SYT17: variants seen among roughly 807,000 people sequenced by gnomAD.
SYT17 encodes the protein synaptotagmin 17, also known as synaptotagmin-17.
SYT17 carries 22 observed loss-of-function variants against 46.7 expected under a neutral mutation model. The observed-to-expected ratio is 0.47, with a 90% CI of 0.34 to 0.67. The LOEUF (loss-of-function observed/expected upper bound fraction) is 0.67, where lower values mean the gene tolerates loss of function less well. SYT17 is among the 30% of genes least tolerant of loss of function. SYT17 has a pLI of 0.01. For synonymous variants in SYT17, 251 were observed against 248.4 expected, an observed-to-expected ratio of 1.01 and a Z score of -0.10; for missense variants, 519 against 612.8, an observed-to-expected ratio of 0.85 and a Z score of 1.62.
At chr16:19,217,840 G>C (rs1388646825) in intron 5 of SYT17, among the ~76,000 whole-genome samples, 2 of 152,182 alleles carry the variant, frequency 1.3e-5, no homozygotes, top group African/African-American at 4.8e-5. Context: ...GATTTTGTGT[G>C]TGTGTGTTTA....
At chr16:19,202,814 C>G (rs1965517914) in intron 5 of SYT17, among the ~76,000 whole-genome samples, 1 of 152,110 alleles carries the variant, frequency 6.6e-6, no homozygotes, top group Admixed American at 6.5e-5. Context: ...GCAGCCTTGA[C>G]CTCCAGGTTC....
intron 3 of SYT17, among the ~76,000 whole-genome samples, chr16:19,177,269 A>T (rs1206455750): frequency 2.0e-5 from 3 of 152,116 alleles, no homozygotes; most frequent in Non-Finnish European, 4.4e-5. Context: ...CGCCATTCAC[A>T]TGGTGGCCAT....
At chr16:19,193,714 C>T (rs1377269302) in intron 5 of SYT17, among the ~76,000 whole-genome samples, 1 of 152,210 alleles carries the variant, frequency 6.6e-6, no homozygotes, top group Non-Finnish European at 1.5e-5. Context: ...AATAAAGTGT[C>T]TCACCACTGT....
chr16:19,194,990 C>T (rs772901764), intron 5 of SYT17, among the ~76,000 whole-genome samples: 27 of 152,152 alleles, frequency 1.8e-4, no homozygotes, highest in Non-Finnish European at 7.3e-5. Flanking sequence ...AAAGAGCATG[C>T]GCTTTTGAGT....
Position 19,223,073 on chromosome 16 carries a change from T to C in SYT17, c.980T>C (p.Leu327Pro). The C allele has an allele frequency of 6.2e-7, 1 of 1,614,082 alleles. No homozygotes were observed. The highest frequency in any genetic ancestry group is 8.5e-7 in the Non-Finnish European group (1 of 1,179,974). Residue 327 changes from leucine (L) to proline (P), a missense_variant, in exon 6 of 8, where the codon CTG becomes CCG. Coordinates refer to ENST00000355377, the MANE Select transcript of SYT17 (RefSeq NM_016524.4). The part of the protein sequence containing the change: ...QNEVELGELL[L>P]SLNYLPSAGR... ...GAAGTGGAGCTGGGGGAGCTGCTTCTGTCACTGAATTATCTCCCAAGTGCT... is the reference window on the plus strand; with the variant it reads ...GAAGTGGAGCTGGGGGAGCTGCTTCCGTCACTGAATTATCTCCCAAGTGCT...
chr16:19,231,991 T>TG (rs1966711288), intron 7 of SYT17, among the ~76,000 whole-genome samples: 1 of 152,116 alleles, frequency 6.6e-6, no homozygotes, highest in African/African-American at 2.4e-5. Flanking sequence ...ACACGTGAGC[T>TG]GGGAGCTGAA....
intron 5 of SYT17, among the ~76,000 whole-genome samples, chr16:19,211,745 C>T (rs1965911334): frequency 1.3e-5 from 2 of 152,074 alleles, no homozygotes; most frequent in African/African-American, 4.8e-5. Flanking sequence ...CCTGCCTCAG[C>T]CTCCCAAGTA....
chr16:19,194,999 G>A (rs185323708), intron 5 of SYT17, among the ~76,000 whole-genome samples: 4 of 152,306 alleles, frequency 2.6e-5, no homozygotes, highest in Non-Finnish European at 4.4e-5. Context: ...GCGCTTTTGA[G>A]TTAGACTGAT....
intron 3 of SYT17, among the ~76,000 whole-genome samples, chr16:19,179,645 T>C (rs1964466231): frequency 6.6e-6 from 1 of 152,204 alleles, no homozygotes; most frequent in South Asian, 2.1e-4. Context: ...ATTTCCACTT[T>C]ACAGATGGGG....
intron 7 of SYT17, among the ~76,000 whole-genome samples, chr16:19,236,931 A>G (rs1966856623): frequency 6.6e-6 from 1 of 152,170 alleles, no homozygotes; most frequent in Non-Finnish European, 1.5e-5. Flanking sequence ...GTCTGAATTG[A>G]TACTATGTGA....
At chr16:19,194,138 G>T (rs569015078) in intron 5 of SYT17, among the ~76,000 whole-genome samples, 39 of 152,266 alleles carry the variant, frequency 2.6e-4, no homozygotes, top group Non-Finnish European at 5.3e-4. Flanking sequence ...AAGAACATTG[G>T]CTAAGCGGAA....
intron 5 of SYT17, among the ~76,000 whole-genome samples, chr16:19,220,916 G>A (rs1415383131): frequency 6.6e-6 from 1 of 152,196 alleles, no homozygotes; most frequent in East Asian, 1.9e-4. Context: ...ACCTGTCTGG[G>A]CATGATGGCT....
At chr16:19,229,996 A>G (rs1966623185) in intron 7 of SYT17, among the ~76,000 whole-genome samples, 1 of 152,364 alleles carries the variant, frequency 6.6e-6, no homozygotes, top group Admixed American at 6.5e-5. Context: ...TATGTGAAAT[A>G]CCTAGAGTAG....
intron 7 of SYT17, among the ~76,000 whole-genome samples, chr16:19,235,939 A>T (rs1182329750): frequency 6.6e-6 from 1 of 152,160 alleles, no homozygotes; most frequent in Non-Finnish European, 1.5e-5. Context: ...ACCTATGGAG[A>T]AATATCAAAA....
rs150136978 is a variant in SYT17 at position 19,257,094 on chromosome 16, G to A, written c.1229-9786G>A. 1.7e-3 allele frequency among the ~76,000 whole-genome samples: 258 copies of A among 152,180 alleles called. 1 individual carries two copies. Among genetic ancestry groups the A allele is most frequent in the African/African-American group, 5.7e-3 (235 of 41,528 alleles). Reference sequence around the variant, plus strand: ...ATATATAAAGTGCTTTTCTCAGTTCGTAGTACACAGACCTCAAGATTTGCT... The same window carrying A: ...ATATATAAAGTGCTTTTCTCAGTTCATAGTACACAGACCTCAAGATTTGCT... On this transcript the variant is annotated intron_variant, in intron 7 of 7. Coordinates refer to ENST00000355377, the MANE Select transcript of SYT17 (RefSeq NM_016524.4).
At chr16:19,233,707 A>G (rs1322505290) in intron 7 of SYT17, among the ~76,000 whole-genome samples, 2 of 152,124 alleles carry the variant, frequency 1.3e-5, no homozygotes, top group Non-Finnish European at 2.9e-5. Flanking sequence ...GGGAAGCAGG[A>G]CAGTGGAGAG....
At chr16:19,186,402 C>T (rs560727854) in intron 5 of SYT17, among the ~76,000 whole-genome samples, 73 of 152,000 alleles carry the variant, frequency 4.8e-4, no homozygotes, top group African/African-American at 1.2e-3. Context: ...GAGGATTGCT[C>T]GAGCCCGGGA....
chr16:19,185,577 T>G (rs1245084721), intron 5 of SYT17, among the ~76,000 whole-genome samples: 1 of 151,656 alleles, frequency 6.6e-6, no homozygotes, highest in Non-Finnish European at 1.5e-5. Context: ...CACTCCAGCC[T>G]GGTTGACAGA....
chr16:19,171,359 T>C, intron 1 of SYT17: 1 of 157,486 alleles, frequency 6.3e-6, no homozygotes, highest in Admixed American at 6.2e-5. Context: ...GGTCTCACTC[T>C]GTCGCCCAGG....
Sources: allele counts gnomAD v4.1 joint callset (sites outside exome capture counted in the v4.1 genomes callset), GRCh38; gene constraint gnomAD v4.1.1; transcripts MANE v1.5; gene names NCBI Gene and HGNC (gene_info 2026-07-23, HGNC 2026-07-21).